KLF5: variants seen among roughly 807,000 people sequenced by gnomAD.
KLF5 encodes Krueppel-like factor 5.
A neutral mutation model predicts 36.9 loss-of-function variants in KLF5; 9 were observed. The observed-to-expected ratio is 0.24, with a 90% confidence interval of 0.15 to 0.43. KLF5 has a LOEUF of 0.43. Ranked by LOEUF, KLF5 falls within the 20% of genes least tolerant of loss-of-function variation. The pLI, the probability that KLF5 is intolerant of heterozygous loss-of-function variation, is 1.00. For synonymous variants in KLF5, 246 were observed against 241.7 expected (o/e 1.02, Z -0.17); for missense variants, 524 against 599.5 (o/e 0.87, Z 1.31).
At chr13:73,060,098 C>G (rs1227883862) in intron 1 of KLF5, among the ~76,000 whole-genome samples, 1 of 147,752 alleles carries the variant, frequency 6.8e-6, no homozygotes, top group East Asian at 2.0e-4. Flanking sequence ...GATTGCGGGC[C>G]GCGTTTGGAA....
Position 73,062,606 on chromosome 13 carries a change from T to A in KLF5, c.1007T>A (p.Leu336Gln). 1 of 1,614,222 alleles carries A rather than the reference T, an allele frequency of 6.2e-7. No individual in the cohort carries two copies. The highest frequency in any genetic ancestry group is 1.7e-5 in the Admixed American group (1 of 60,018). The change falls in exon 2 of 4, where the codon CTG becomes CAG. Residue 336 changes from leucine (L) to glutamine (Q), a missense_variant. Transcript: ENST00000377687. ...PSYAATIASK[L>Q]AIHNPNLPTT... is the part of the protein sequence containing the mutation. The stretch of plus-strand genomic sequence containing the variant: ...TATGCTGCTACAATTGCTTCTAAAC[T>A]GGCAATTCACAATCCAAATTTACCC...
intron 3 of KLF5, among the ~76,000 whole-genome samples, chr13:73,074,418 G>A (rs1296173816): frequency 6.6e-6 from 1 of 151,474 alleles, no homozygotes; most frequent in Non-Finnish European, 1.5e-5. Context: ...TTTAAGAGGT[G>A]AAAAAGTATC....
intron 1 of KLF5, 65 bp from the exon 2 acceptor site, chr13:73,061,796 A>T: frequency 6.7e-7 from 1 of 1,501,402 alleles, no homozygotes; most frequent in Non-Finnish European, 9.1e-7. Flanking sequence ...GTAGGCGCCG[A>T]TTGTTCGTTC....
At position 73,062,719 on chromosome 13, in the gene KLF5, T is replaced by C; in HGVS notation, c.1120T>C (p.Tyr374His). The C allele has an allele frequency of 1.2e-6, 2 of 1,613,752 alleles. No individual in the cohort carries two copies. Among genetic ancestry groups the C allele is most frequent in the Non-Finnish European group, 1.7e-6 (2 of 1,179,834 alleles). Residue 374 changes from tyrosine to histidine, a missense_variant, in exon 2 of 4, where the codon TAC (tyrosine) becomes CAC (histidine). By Grantham distance (83) the Tyr-to-His change is moderately conservative. Coordinates refer to ENST00000377687, the MANE Select transcript of KLF5 (RefSeq NM_001730.5). ...NPDLEKRRIH[Y>H]CDYPGCTKVY... Reference sequence around the variant, plus strand: ...CGATTTGGAGAAACGACGCATCCACTACTGCGATTACCCTGGTATGTGCTC... The same window carrying C: ...CGATTTGGAGAAACGACGCATCCACCACTGCGATTACCCTGGTATGTGCTC...
upstream of KLF5, among the ~76,000 whole-genome samples, chr13:73,057,407 G>C (rs1421789003): frequency 2.0e-5 from 3 of 152,296 alleles, no homozygotes; most frequent in East Asian, 5.8e-4. Flanking sequence ...TGCTTGGTTA[G>C]AGAAAAACTT....
chr13:73,062,159 C>T lies in KLF5; in HGVS notation c.560C>T (p.Pro187Leu), dbSNP rs2044641414. Residue 187 changes from proline (P) to leucine (L), a missense_variant, in exon 2 of 4, where the codon CCT (proline) becomes CTT (leucine). Pro to Leu is a moderately conservative substitution (Grantham distance 98). This residue lies in a region of KLF5 where 454 missense variants were observed against 458.1 expected (regional missense o/e 0.99). Transcript: ENST00000377687. ...CCTCCGGCCCCGACCCAGGCCCTCCCTGAGTTCACCAGTATATTCAGCTCA... is the reference window on the plus strand; with the variant it reads ...CCTCCGGCCCCGACCCAGGCCCTCCTTGAGTTCACCAGTATATTCAGCTCA... The part of the protein sequence containing the change: ...APPPAPTQAL[P>L]EFTSIFSSHQ... The T allele has an allele frequency of 1.9e-6, 3 of 1,614,146 alleles. No homozygotes were observed. The highest frequency in any genetic ancestry group is 2.5e-6 in the Non-Finnish European group (3 of 1,180,024).
At chr13:73,071,911 T>TATAA (rs1285672070) in intron 3 of KLF5, among the ~76,000 whole-genome samples, 1 of 152,210 alleles carries the variant, frequency 6.6e-6, no homozygotes, top group Admixed American at 6.5e-5. Flanking sequence ...GCAAGGCATT[T>TATAA]AGTACAGGTT....
upstream of KLF5, among the ~76,000 whole-genome samples, chr13:73,055,943 G>T (rs984820315): frequency 6.6e-6 from 1 of 152,088 alleles, no homozygotes; most frequent in Non-Finnish European, 1.5e-5. Context: ...CCAAACAACT[G>T]AATTTAGATT....
Position 73,076,189 on chromosome 13 carries a change from A to G in KLF5, c.*303A>G, listed in dbSNP as rs1301213022. On this transcript the variant is annotated 3_prime_UTR_variant, in exon 4 of 4. Transcript: ENST00000377687. ...GGTGGGGGTGGAGGGGAGTGTGTGCAGCGTTTTTACCTAGGCACCATCATT... is the reference window on the plus strand; with the variant it reads ...GGTGGGGGTGGAGGGGAGTGTGTGCGGCGTTTTTACCTAGGCACCATCATT... The G allele has an allele frequency of 1.1e-5, 3 of 262,142 alleles. No homozygotes were observed. The highest frequency in any genetic ancestry group is 2.1e-5 in the Non-Finnish European group (3 of 140,134). The allele number at this position is 262,142 out of a possible 1,614,324, so 16.2% of individuals were successfully genotyped here. A position where few individuals can be genotyped will look rare whatever the true frequency, so the allele number is the denominator to read the frequency against.
At chr13:73,068,703 C>CA (rs59878653) in intron 3 of KLF5, among the ~76,000 whole-genome samples, 1,558 of 92,584 alleles carry the variant, frequency 0.017, 16 homozygotes, top group Middle Eastern at 0.055. Context: ...GACTCCATCT[C>CA]AAAAAAAAAA....
chr13:73,059,313 C>T lies in KLF5; in HGVS notation c.-15C>T. The T allele has an allele frequency of 7.4e-7, 1 of 1,358,544 alleles. No individual in the cohort carries two copies. Among genetic ancestry groups the T allele is most frequent in the Non-Finnish European group, 9.5e-7 (1 of 1,054,750 alleles). 84.2% of individuals were successfully genotyped at this position (1,358,544 alleles called of 1,614,324 possible). On this transcript the variant is annotated 5_prime_UTR_variant, in exon 1 of 4. Coordinates refer to ENST00000377687, the MANE Select transcript of KLF5 (RefSeq NM_001730.5). ...TGCGCCCGACCCGCGCCTGGAGCTG[C>T]GCCCCCGAGTGCCCATGGCTACAAG...
At chr13:73,075,494 T>C (rs1026786290) in intron 3 of KLF5, among the ~76,000 whole-genome samples, 2 of 152,186 alleles carry the variant, frequency 1.3e-5, no homozygotes, top group African/African-American at 4.8e-5. Flanking sequence ...CTTTTTTCTT[T>C]ATGAGGTAAA....
chr13:73,059,036 C>G lies in KLF5; in HGVS notation c.-292C>G, dbSNP rs1241870392. On this transcript the variant is annotated 5_prime_UTR_variant, in exon 1 of 4. Coordinates refer to ENST00000377687, the MANE Select transcript of KLF5 (RefSeq NM_001730.5). ...GGGGCAGGTACGTGCGCTCGCGGTT[C>G]TCTCGCGGAGGTCGGCGGTGGCGGG... 3.5e-6 allele frequency: 1 copy of G among 289,790 alleles called. No individual in the cohort carries two copies. The highest frequency in any genetic ancestry group is 6.4e-6 in the Non-Finnish European group (1 of 155,864). The allele number at this position is 289,790 out of a possible 1,614,324, so 18.0% of individuals were successfully genotyped here. A position where few individuals can be genotyped will look rare whatever the true frequency, so the allele number is the denominator to read the frequency against.
intron 3 of KLF5, among the ~76,000 whole-genome samples, chr13:73,066,702 GCAAATAATAGTCTTAA>G (rs1224217361): frequency 1.3e-5 from 2 of 152,128 alleles, no homozygotes; most frequent in African/African-American, 4.8e-5. Flanking sequence ...TTGAACCTAA[GCAAATAATAGTCTTAA>G]CAAAATAGAA....
intron 1 of KLF5, chr13:73,059,865 A>C (rs2139100898): frequency 1.1e-6 from 1 of 942,384 alleles, no homozygotes; most frequent in South Asian, 4.9e-5. Context: ...CTGGGTGCTC[A>C]CGCGCACCTT....
At position 73,076,898 on chromosome 13, in the gene KLF5, G is replaced by A. The variant is rs1056483659; in HGVS notation, c.*1012G>A. The A allele has an allele frequency of 6.6e-6, 1 of 152,120 alleles. No homozygotes were observed. The highest frequency in any genetic ancestry group is 1.5e-5 in the Non-Finnish European group (1 of 68,008). 9.4% of individuals were successfully genotyped at this position (152,120 alleles called of 1,614,324 possible). A position where few individuals can be genotyped will look rare whatever the true frequency, so the allele number is the denominator to read the frequency against. On this transcript the variant is annotated 3_prime_UTR_variant, in exon 4 of 4. Transcript: ENST00000377687. ...AGATGTTCGCTCGTGCAGTACTGTTGGTTAAATGACAATTTATGTGGATTT... is the reference window on the plus strand; with the variant it reads ...AGATGTTCGCTCGTGCAGTACTGTTAGTTAAATGACAATTTATGTGGATTT...
intron 2 of KLF5, among the ~76,000 whole-genome samples, chr13:73,063,350 G>A (rs113058195): frequency 0.018 from 2,746 of 152,296 alleles, 98 homozygotes; most frequent in African/African-American, 0.062. Flanking sequence ...ACAAGTTACT[G>A]GGAAAGCTAG....
At position 73,076,871 on chromosome 13, in the gene KLF5, C is replaced by T. The variant is rs187594165; in HGVS notation, c.*985C>T. 20 of 152,200 alleles carry T rather than the reference C, an allele frequency of 1.3e-4. 1 individual carries two copies. The East Asian group carries it at 3.1e-3, about 24-fold the overall frequency. The allele number at this position is 152,200 out of a possible 1,614,324, so 9.4% of individuals were successfully genotyped here. A position where few individuals can be genotyped will look rare whatever the true frequency, so the allele number is the denominator to read the frequency against. ...AATTGATGATGCAGTTTTCATATATCGAGATGTTCGCTCGTGCAGTACTGT... is the reference window on the plus strand; with the variant it reads ...AATTGATGATGCAGTTTTCATATATTGAGATGTTCGCTCGTGCAGTACTGT... On this transcript the variant is annotated 3_prime_UTR_variant, in exon 4 of 4. Transcript: ENST00000377687.
At chr13:73,074,148 G>A (rs2044742048) in intron 3 of KLF5, among the ~76,000 whole-genome samples, 1 of 152,090 alleles carries the variant, frequency 6.6e-6, no homozygotes, top group Non-Finnish European at 1.5e-5. Context: ...GTCTGTTTTG[G>A]CACTTTCTTC....
Sources: allele counts gnomAD v4.1 joint callset (sites outside exome capture counted in the v4.1 genomes callset), GRCh38; gene constraint gnomAD v4.1.1; regional missense constraint gnomAD v4.1.1; transcripts MANE v1.5; gene names NCBI Gene and HGNC (gene_info 2026-07-23, HGNC 2026-07-21).